Variants in SHROOM4 observed in about 807,000 individuals in gnomAD.
SHROOM4 encodes protein Shroom4.
A neutral mutation model predicts 80.3 loss-of-function variants in SHROOM4; 17 were observed. That is an observed-to-expected ratio of 0.21 (90% CI 0.14 to 0.32). The LOEUF is 0.32. Among genes scored for constraint, SHROOM4 ranks in the 10% least tolerant of loss-of-function variants. The pLI is 1.00. For missense variants in SHROOM4, 993 were observed against 1,140.3 expected, an observed-to-expected ratio of 0.87 and a Z score of 1.86; for synonymous variants, 400 against 437.5, an observed-to-expected ratio of 0.91 and a Z score of 1.07.
intron 1 of SHROOM4, among the ~76,000 whole-genome samples, chrX:50,736,768 G>A (rs1934503506): frequency 8.9e-6 from 1 of 112,095 alleles, no homozygotes; most frequent in Non-Finnish European, 1.9e-5. Context: ...CCAGTAGTGG[G>A]ATTGCTGGGT....
chrX:50,614,989 G>C (rs782622936), intron 5 of SHROOM4, among the ~76,000 whole-genome samples: 1 of 111,478 alleles, frequency 9.0e-6, no homozygotes, highest in Non-Finnish European at 1.9e-5. Flanking sequence ...TTGTAAAAAA[G>C]AATGTATATA....
At chrX:50,681,341 C>A (rs782747103) in intron 2 of SHROOM4, among the ~76,000 whole-genome samples, 21 of 111,382 alleles carry the variant, frequency 1.9e-4, no homozygotes, top group South Asian at 7.6e-4. Context: ...CCTACAAGGC[C>A]CTGTGTGATT....
intron 1 of SHROOM4, among the ~76,000 whole-genome samples, chrX:50,759,435 C>CAAGT (rs1431442082): frequency 2.7e-5 from 3 of 111,775 alleles, no homozygotes; most frequent in African/African-American, 9.7e-5. Context: ...TTTAAGCCAC[C>CAAGT]AAGTCTGTGG....
At chrX:50,763,713 T>C (rs1935210475) in intron 1 of SHROOM4, among the ~76,000 whole-genome samples, 1 of 111,751 alleles carries the variant, frequency 8.9e-6, no homozygotes, top group Non-Finnish European at 1.9e-5. Context: ...ATTGTGCTTA[T>C]GCCCCTTAAG....
At chrX:50,744,364 T>G (rs1426588863) in intron 1 of SHROOM4, among the ~76,000 whole-genome samples, 1 of 111,848 alleles carries the variant, frequency 8.9e-6, no homozygotes, top group Non-Finnish European at 1.9e-5. Context: ...TGCCATGATA[T>G]AAAATATTGT....
chrX:50,805,648 C>T (rs781859710), intron 1 of SHROOM4, among the ~76,000 whole-genome samples: 2 of 111,902 alleles, frequency 1.8e-5, no homozygotes, highest in Non-Finnish European at 3.8e-5. Context: ...AGCCTTCACA[C>T]TTCCACAGCC....
At chrX:50,706,686 C>A (rs1557263984) in intron 1 of SHROOM4, among the ~76,000 whole-genome samples, 1 of 111,589 alleles carries the variant, frequency 9.0e-6, no homozygotes, top group Non-Finnish European at 1.9e-5. Context: ...CCTTAACTAG[C>A]AATACTAAGA....
chrX:50,727,913 G>A (rs1934277980), intron 1 of SHROOM4, among the ~76,000 whole-genome samples: 1 of 112,018 alleles, frequency 8.9e-6, no homozygotes. Context: ...AATAAAAACA[G>A]AAGGCTTTAG....
chrX:50,795,077 TA>T (rs1935947632), intron 1 of SHROOM4, among the ~76,000 whole-genome samples: 12 of 49,791 alleles, frequency 2.4e-4, no homozygotes, highest in South Asian at 9.8e-4. Context: ...ATATATATGA[TA>T]TATATATATG....
At chrX:50,779,170 G>T (rs1935573147) in intron 1 of SHROOM4, among the ~76,000 whole-genome samples, 1 of 111,974 alleles carries the variant, frequency 8.9e-6, no homozygotes, top group Non-Finnish European at 1.9e-5. Flanking sequence ...TACTCTTATT[G>T]AATTCTCACA....
In SHROOM4 at chrX:50,596,321, G is replaced by A. The variant is rs1557246588; in HGVS notation, c.*374C>T. 1 of 357,912 alleles carries A rather than the reference G, an allele frequency of 2.8e-6. No homozygotes were observed. The highest frequency in any genetic ancestry group is 8.1e-5 in the East Asian group (1 of 12,312). The allele number at this position is 357,912 out of a possible 1,213,427, so 29.5% of individuals were successfully genotyped here. A position where few individuals can be genotyped will look rare whatever the true frequency, so the allele number is the denominator to read the frequency against. On this transcript the variant is annotated 3_prime_UTR_variant, in exon 9 of 9. Transcript: ENST00000376020. Reference sequence around the variant, plus strand: ...GAGCTGCAAGGCAGATTCCCTCTGAGCCTTTAGAGGCTGTTGATGATATGG... The same window carrying A: ...GAGCTGCAAGGCAGATTCCCTCTGAACCTTTAGAGGCTGTTGATGATATGG...
intron 2 of SHROOM4, among the ~76,000 whole-genome samples, chrX:50,651,207 A>G (rs1932041947): frequency 1.8e-5 from 2 of 112,169 alleles, no homozygotes; most frequent in Non-Finnish European, 3.8e-5. Flanking sequence ...GTACAAGAAA[A>G]TTTAGTGGTG....
Position 50,776,816 on chromosome X carries a change from G to A in SHROOM4, c.117+37086C>T, listed in dbSNP as rs781901967. Among the ~76,000 whole-genome samples, 61 of 108,946 alleles carry A rather than the reference G, an allele frequency of 5.6e-4. No individual in the cohort carries two copies. The South Asian group carries it at 0.024, about 43-fold the overall frequency. 94.6% of individuals were successfully genotyped at this position (108,946 alleles called of 115,157 possible). ...CCATCCTCCCACCCCAAGCTCCCAA[G>A]CAGCTGAGACTACAGGTGCACACCA... On this transcript the variant is annotated intron_variant, in intron 1 of 8. Coordinates refer to ENST00000376020, the MANE Select transcript of SHROOM4 (RefSeq NM_020717.5).
In SHROOM4 at chrX:50,596,580, AG is replaced by A; in HGVS notation, c.*114del. Reference sequence around the variant, plus strand: ...GGGTAGTGAGAGACATCCAGGGTAGAGGGCTGGAACAAACTGCTAATTGCTA... The same window carrying A: ...GGGTAGTGAGAGACATCCAGGGTAGAGGCTGGAACAAACTGCTAATTGCTA... On this transcript the variant is annotated 3_prime_UTR_variant, in exon 9 of 9. Transcript: ENST00000376020. The A allele has an allele frequency of 1.0e-6, 1 of 1,001,364 alleles. No homozygotes were observed. The highest frequency in any genetic ancestry group is 3.1e-5 in the East Asian group (1 of 32,046). 82.5% of individuals were successfully genotyped at this position (1,001,364 alleles called of 1,213,427 possible).
chrX:50,776,067 T>C (rs1238710848), intron 1 of SHROOM4, among the ~76,000 whole-genome samples: 1 of 111,549 alleles, frequency 9.0e-6, no homozygotes, highest in Non-Finnish European at 1.9e-5. Context: ...CAGATGTCTG[T>C]GGCTCCAAAT....
chrX:50,760,950 C>T (rs782758851), intron 1 of SHROOM4, among the ~76,000 whole-genome samples: 2 of 111,850 alleles, frequency 1.8e-5, no homozygotes, highest in East Asian at 5.6e-4. Flanking sequence ...AAAATATTTT[C>T]TGTCCCTTCT....
At chrX:50,698,472 A>T (rs1314475598) in intron 1 of SHROOM4, among the ~76,000 whole-genome samples, 2 of 111,778 alleles carry the variant, frequency 1.8e-5, no homozygotes, top group Non-Finnish European at 3.8e-5. Context: ...AGCATAATCC[A>T]AGAGTTCAGA....
intron 1 of SHROOM4, among the ~76,000 whole-genome samples, chrX:50,721,968 G>C (rs1173232871): frequency 3.6e-5 from 4 of 110,003 alleles, no homozygotes; most frequent in African/African-American, 1.3e-4. Flanking sequence ...GGGTGGTGGA[G>C]AGAAGTCAGG....
intron 7 of SHROOM4, 76 bp downstream of exon 7, chrX:50,602,557 T>A (rs1470192603): frequency 2.0e-6 from 2 of 991,549 alleles, no homozygotes; most frequent in Non-Finnish European, 2.9e-6. Flanking sequence ...TTCTAGAGAG[T>A]GTAGAAGGCT....
Sources: gnomAD v4.1 joint callset for allele counts (sites outside exome capture counted in the v4.1 genomes callset) on GRCh38, gnomAD v4.1.1 for gene constraint, MANE v1.5 for transcripts, NCBI Gene and HGNC (gene_info 2026-07-23, HGNC 2026-07-21) for gene names.